The following SNX21 variants were observed in gnomAD, a reference collection of about 807,000 sequenced individuals.
SNX21 encodes the protein sorting nexin family member 21.
In SNX21, 36 loss-of-function variants were observed where a neutral mutation model predicts 30.9. The ratio of observed to expected loss-of-function variants is 1.16; its 90% CI spans 0.89 to 1.54. SNX21 has a LOEUF of 1.54. SNX21 is among the 40% of genes most tolerant of loss of function. SNX21 has a pLI of 0.00. For synonymous variants in SNX21, 218 were observed against 222.7 expected, an observed-to-expected ratio of 0.98 and a Z score of 0.19; for missense variants, 508 against 516.5, an observed-to-expected ratio of 0.98 and a Z score of 0.16.
intron 1 of SNX21, 62 bp from the exon 2 acceptor site, chr20:45,834,139 T>A (rs1466692648): frequency 2.5e-5 from 36 of 1,427,970 alleles, no homozygotes; most frequent in Non-Finnish European, 3.3e-5. Context: ...CTCCTCCTCC[T>A]GCGCCGGGCT....
Position 45,840,700 on chromosome 20 carries a change from G to A in SNX21, c.509G>A (p.Arg170His), listed in dbSNP as rs766160165. 60 of 1,614,162 alleles carry A rather than the reference G, an allele frequency of 3.7e-5. No homozygotes were observed. The highest frequency in any genetic ancestry group is 1.6e-4 in the Middle Eastern group (1 of 6,062). Residue 170 changes from arginine to histidine, a missense_variant, in exon 4 of 4, where the codon CGC becomes CAC. Transcript: ENST00000491381. ...PPDCQPAQIS[R>H]RYSDFERLHR... is the part of the protein sequence containing the mutation. ...GATTGCCAGCCAGCCCAGATCTCTC[G>A]CCGTTACTCGGACTTTGAGCGGCTG...
chr20:45,834,931 A>G, intron 2 of SNX21, 28 bp from the exon 3 acceptor site: 4 of 1,607,618 alleles, frequency 2.5e-6, no homozygotes, highest in African/African-American at 1.3e-5. Context: ...CCCTAGGCCC[A>G]TTGATATGAC....
Position 45,843,064 on chromosome 20 carries a change from A to C in SNX21, c.*1751A>C, listed in dbSNP as rs1183543845. ...AGAATCACTTAGAGAACTTAAAAATACAGTTTCCTGGACCTTATCCAAGAC... is the reference window on the plus strand; with the variant it reads ...AGAATCACTTAGAGAACTTAAAAATCCAGTTTCCTGGACCTTATCCAAGAC... On this transcript the variant is annotated 3_prime_UTR_variant, in exon 4 of 4. Coordinates refer to ENST00000491381, the MANE Select transcript of SNX21 (RefSeq NM_033421.4). 9.6e-6 allele frequency: 11 copies of C among 1,147,856 alleles called. No individual in the cohort carries two copies. Among genetic ancestry groups the C allele is most frequent in the Non-Finnish European group, 9.8e-6 (9 of 920,070 alleles). The allele number at this position is 1,147,856 out of a possible 1,614,324, so 71.1% of individuals were successfully genotyped here. A position where few individuals can be genotyped will look rare whatever the true frequency, so the allele number is the denominator to read the frequency against.
rs202059290 is a variant in SNX21, at chr20:45,840,481, C to T, written c.448-158C>T. 3.0e-4 allele frequency: 487 copies of T among 1,614,034 alleles called. 2 individuals are homozygous for T. In the South Asian group the frequency reaches 4.1e-3, roughly 14 times the overall value. On this transcript the variant is annotated intron_variant, in intron 3 of 3. Coordinates refer to ENST00000491381, the MANE Select transcript of SNX21 (RefSeq NM_033421.4). ...CAGGTAAGATGGGACTGGGCTTCCC[C>T]GCCACTGCGCAGCAGCTCCCGCCCT...
At chr20:45,840,494 C>T in intron 3 of SNX21, 145 bp from the exon 4 acceptor site, 1 of 1,613,932 alleles carries the variant, frequency 6.2e-7, no homozygotes, top group Non-Finnish European at 8.5e-7. Context: ...CACTGCGCAG[C>T]AGCTCCCGCC....
Position 45,840,654 on chromosome 20 carries a change from G to A in SNX21, c.463G>A (p.Val155Met), listed in dbSNP as rs781201010. Residue 155 changes from valine (V) to methionine (M), a missense_variant, in exon 4 of 4, where the codon GTG becomes ATG. Val to Met is a conservative substitution (Grantham distance 21, BLOSUM62 1). Coordinates refer to ENST00000491381, the MANE Select transcript of SNX21 (RefSeq NM_033421.4). ...PSKYVLYTLA[V>M]IGPGPPDCQP... ...CTCCCTGCAGCTCTACACCCTCGCCGTGATCGGCCCAGGACCGCCAGATTG... is the reference window on the plus strand; with the variant it reads ...CTCCCTGCAGCTCTACACCCTCGCCATGATCGGCCCAGGACCGCCAGATTG... The A allele has an allele frequency of 3.2e-5, 51 of 1,614,018 alleles. No homozygotes were observed. The South Asian group carries it at 4.7e-4, about 15-fold the overall frequency.
At chr20:45,836,883 C>T (rs913621927) in intron 3 of SNX21, among the ~76,000 whole-genome samples, 3 of 152,190 alleles carry the variant, frequency 2.0e-5, no homozygotes, top group Admixed American at 2.0e-4. Flanking sequence ...TAATTCCCCA[C>T]TCAACTTGTG....
chr20:45,836,490 C>CAAA (rs74176824), intron 3 of SNX21, among the ~76,000 whole-genome samples: 913 of 51,310 alleles, frequency 0.018, 87 homozygotes, highest in African/African-American at 0.06. Flanking sequence ...GACTCCGTCT[C>CAAA]AAAAAAAAAA....
At chr20:45,838,461 TAA>T (rs1263242785) in intron 3 of SNX21, 1 of 150,306 alleles carries the variant, frequency 6.7e-6, no homozygotes, top group Non-Finnish European at 1.5e-5. Flanking sequence ...AAGCTAGCCA[TAA>T]AAATAAAAGG....
chr20:45,837,043 C>T (rs576549048), intron 3 of SNX21, among the ~76,000 whole-genome samples: 7 of 152,244 alleles, frequency 4.6e-5, no homozygotes, highest in Admixed American at 4.6e-4. Context: ...AAGGACCTTC[C>T]TTGCAGTGCT....
intron 1 of SNX21, 46 bp from the exon 2 acceptor site, chr20:45,834,155 A>T: frequency 6.9e-7 from 1 of 1,442,354 alleles, no homozygotes; most frequent in East Asian, 2.6e-5. Flanking sequence ...GGGCTGGGGT[A>T]CCCCTCCTCC....
chr20:45,834,511 A>G (rs909690688), intron 2 of SNX21, 43 bp downstream of exon 2: 6 of 1,546,002 alleles, frequency 3.9e-6, no homozygotes, highest in African/African-American at 1.4e-5. Context: ...GGGCTCGATT[A>G]GGCCTCCATC....
intron 3 of SNX21, 150 bp from the exon 4 acceptor site, chr20:45,840,489 C>T (rs372864278): frequency 2.2e-4 from 349 of 1,613,732 alleles, no homozygotes; most frequent in Non-Finnish European, 2.8e-4. Context: ...CCCGCCACTG[C>T]GCAGCAGCTC....
intron 3 of SNX21, chr20:45,840,243 A>C: frequency 6.9e-7 from 1 of 1,442,938 alleles, no homozygotes; most frequent in Non-Finnish European, 9.1e-7. Context: ...CAGGTGTCCA[A>C]AGTGGAACAA....
At position 45,841,620 on chromosome 20, in the gene SNX21, G is replaced by C. The variant is rs557301163; in HGVS notation, c.*307G>C. The C allele has an allele frequency of 1.4e-4, 201 of 1,405,126 alleles. 3 individuals carry two copies. The South Asian group carries it at 2.7e-3, about 19-fold the overall frequency. The allele number at this position is 1,405,126 out of a possible 1,614,324, so 87.0% of individuals were successfully genotyped here. Reference sequence around the variant, plus strand: ...GTTGGTGGGCCCCCAAGCTGGCAAGGCCTCTTGGCTGAAGGCCAGGGACTC... The same window carrying C: ...GTTGGTGGGCCCCCAAGCTGGCAAGCCCTCTTGGCTGAAGGCCAGGGACTC... On this transcript the variant is annotated 3_prime_UTR_variant, in exon 4 of 4. Transcript: ENST00000491381.
chr20:45,842,680 T>A lies in SNX21; in HGVS notation c.*1367T>A, dbSNP rs899257838. The A allele has an allele frequency of 1.1e-5, 11 of 989,268 alleles. No individual in the cohort carries two copies. In the African/African-American group the frequency reaches 1.9e-4, roughly 17 times the overall value. 61.3% of individuals were successfully genotyped at this position (989,268 alleles called of 1,614,324 possible). A position where few individuals can be genotyped will look rare whatever the true frequency, so the allele number is the denominator to read the frequency against. ...TCACTCAGTTCTCACAGTAGCCAAA[T>A]GAAGCAGTTATGTGTTGTCCAGTTT... is the stretch of plus-strand genomic sequence containing the variant. On this transcript the variant is annotated 3_prime_UTR_variant, in exon 4 of 4. Transcript: ENST00000491381.
intron 3 of SNX21, among the ~76,000 whole-genome samples, chr20:45,839,670 G>A (rs1025050652): frequency 1.3e-5 from 2 of 151,604 alleles, no homozygotes; most frequent in African/African-American, 4.8e-5. Context: ...TAGGAAGATT[G>A]TTCAAGGCCA....
chr20:45,834,027 G>A (rs1350702286), intron 1 of SNX21, 87 bp downstream of exon 1: 1 of 1,423,178 alleles, frequency 7.0e-7, no homozygotes, highest in Admixed American at 3.2e-5. Context: ...GAGTGGGTTG[G>A]GGGGAAAGCG....
At chr20:45,839,852 T>C (rs1983888601) in intron 3 of SNX21, among the ~76,000 whole-genome samples, 1 of 151,958 alleles carries the variant, frequency 6.6e-6, no homozygotes. Context: ...GAAGCTGCAG[T>C]AAGCTATGAT....
Sources: allele counts gnomAD v4.1 joint callset (sites outside exome capture counted in the v4.1 genomes callset), GRCh38; gene constraint gnomAD v4.1.1; transcripts MANE v1.5; gene names NCBI Gene and HGNC (gene_info 2026-07-23, HGNC 2026-07-21).